Variants in SKAP1 observed in about 807,000 individuals in gnomAD.
The protein encoded by SKAP1 is src kinase-associated phosphoprotein 1.
SKAP1 carries 44 observed loss-of-function variants against 58.5 expected under a neutral mutation model. The observed-to-expected ratio is 0.75, with a 90% CI of 0.59 to 0.97. The LOEUF (loss-of-function observed/expected upper bound fraction) is 0.97. Ranked by LOEUF, SKAP1 falls within the 50% of genes least tolerant of loss-of-function variation. SKAP1 has a pLI of 0.00. For missense variants in SKAP1, 390 were observed against 435.2 expected (o/e 0.90, Z 0.92); for synonymous variants, 127 against 149.7 (o/e 0.85, Z 1.11).
intron 4 of SKAP1, among the ~76,000 whole-genome samples, chr17:48,260,034 A>C (rs1462554588): frequency 6.6e-6 from 1 of 152,172 alleles, no homozygotes; most frequent in African/African-American, 2.4e-5. Flanking sequence ...GAGCTAATAA[A>C]TTATTTGTCT....
chr17:48,306,939 AG>A (rs1300175185), intron 4 of SKAP1, among the ~76,000 whole-genome samples: 2 of 152,222 alleles, frequency 1.3e-5, no homozygotes, highest in Non-Finnish European at 2.9e-5. Context: ...TAGATCTGAT[AG>A]GGATTTTGCA....
At chr17:48,363,584 C>G (rs187970968) in intron 3 of SKAP1, among the ~76,000 whole-genome samples, 3 of 152,278 alleles carry the variant, frequency 2.0e-5, no homozygotes, top group Admixed American at 1.3e-4. Context: ...ACAGTCCACT[C>G]AGAAGGAGGA....
intron 1 of SKAP1, among the ~76,000 whole-genome samples, chr17:48,398,186 G>C (rs2067445843): frequency 6.6e-6 from 1 of 152,176 alleles, no homozygotes; most frequent in East Asian, 1.9e-4. Flanking sequence ...AGCTTCATCT[G>C]TATTTACAGC....
intron 4 of SKAP1, among the ~76,000 whole-genome samples, chr17:48,218,061 G>A (rs2064961708): frequency 1.3e-5 from 2 of 152,212 alleles, no homozygotes; most frequent in Admixed American, 1.3e-4. Context: ...TTGTGTTAAT[G>A]TGCCAGCTTG....
intron 2 of SKAP1, among the ~76,000 whole-genome samples, chr17:48,384,936 A>T (rs773165707): frequency 5.3e-5 from 8 of 152,214 alleles, no homozygotes; most frequent in Non-Finnish European, 1.0e-4. Context: ...CCTAAGGAGA[A>T]CGTGGTGAGG....
At chr17:48,165,463 T>C (rs949074832) in intron 10 of SKAP1, among the ~76,000 whole-genome samples, 2 of 151,310 alleles carry the variant, frequency 1.3e-5, no homozygotes, top group African/African-American at 4.9e-5. Flanking sequence ...TGTAATGGCA[T>C]GATCTCGGCT....
intron 4 of SKAP1, among the ~76,000 whole-genome samples, chr17:48,335,598 TA>T (rs761483927): frequency 2.0e-5 from 3 of 152,090 alleles, no homozygotes; most frequent in Non-Finnish European, 4.4e-5. Flanking sequence ...GCTACAATAA[TA>T]AGTTGTAAAA....
intron 4 of SKAP1, among the ~76,000 whole-genome samples, chr17:48,208,212 T>C (rs1351879137): frequency 2.0e-5 from 3 of 152,294 alleles, no homozygotes; most frequent in South Asian, 2.1e-4. Flanking sequence ...TGAAGATATA[T>C]GGGCGTTAGA....
chr17:48,347,451 A>G (rs1194557410), intron 3 of SKAP1, among the ~76,000 whole-genome samples: 1 of 152,228 alleles, frequency 6.6e-6, no homozygotes, highest in Non-Finnish European at 1.5e-5. Flanking sequence ...TGATAAAAAG[A>G]GAATGGCTGT....
intron 4 of SKAP1, chr17:48,193,780 A>G (rs1411026006): frequency 1.0e-6 from 1 of 962,268 alleles, no homozygotes; most frequent in African/African-American, 1.8e-5. Context: ...ACCTACTGGT[A>G]AACGAACAGA....
intron 6 of SKAP1, among the ~76,000 whole-genome samples, chr17:48,187,272 T>A (rs1193018049): frequency 6.6e-6 from 1 of 152,076 alleles, no homozygotes; most frequent in Non-Finnish European, 1.5e-5. Context: ...TAAGAAACTA[T>A]CTCTGGCCCG....
intron 4 of SKAP1, among the ~76,000 whole-genome samples, chr17:48,195,263 C>A (rs930783833): frequency 1.3e-5 from 2 of 152,140 alleles, no homozygotes; most frequent in Admixed American, 1.3e-4. Flanking sequence ...AGGAACCAGT[C>A]AATAAATGAT....
At chr17:48,172,379 TC>T (rs1357691048) in intron 9 of SKAP1, among the ~76,000 whole-genome samples, 2 of 152,174 alleles carry the variant, frequency 1.3e-5, no homozygotes, top group African/African-American at 2.4e-5. Context: ...AGTTTCTTAC[TC>T]CCATTAACCG....
At chr17:48,259,365 T>C (rs2065461718) in intron 4 of SKAP1, among the ~76,000 whole-genome samples, 1 of 152,116 alleles carries the variant, frequency 6.6e-6, no homozygotes, top group South Asian at 2.1e-4. Flanking sequence ...TAAAGAGCCA[T>C]TTATGCATAC....
At chr17:48,270,641 C>T (rs2143979847) in intron 4 of SKAP1, among the ~76,000 whole-genome samples, 1 of 152,036 alleles carries the variant, frequency 6.6e-6, no homozygotes, top group Non-Finnish European at 1.5e-5. Context: ...GCGCCTGGCC[C>T]TATTTTTTAT....
chr17:48,405,518 T>G (rs1361380717), intron 1 of SKAP1, among the ~76,000 whole-genome samples: 1 of 150,472 alleles, frequency 6.6e-6, no homozygotes, highest in Non-Finnish European at 1.5e-5. Flanking sequence ...TTTTTTTTTT[T>G]TGAGACAGAG....
intron 4 of SKAP1, among the ~76,000 whole-genome samples, chr17:48,271,661 C>G (rs2065635186): frequency 6.6e-6 from 1 of 152,040 alleles, no homozygotes; most frequent in Admixed American, 6.6e-5. Context: ...TGCACCTGGA[C>G]TATTCTTGTT....
intron 1 of SKAP1, among the ~76,000 whole-genome samples, chr17:48,405,450 T>TTTCTTTTCTTTC: frequency 1.1e-5 from 1 of 94,054 alleles, no homozygotes; most frequent in Non-Finnish European, 2.2e-5. Context: ...TCTTTCTTTC[T>TTTCTTTTCTTTC]TTTCTTTCTT....
intron 4 of SKAP1, among the ~76,000 whole-genome samples, chr17:48,299,530 T>C (rs1456910309): frequency 6.6e-6 from 1 of 152,152 alleles, no homozygotes; most frequent in African/African-American, 2.4e-5. Context: ...TATTTCAAGG[T>C]TCTTTGAAAG....
Sources: gnomAD v4.1 joint callset for allele counts (sites outside exome capture counted in the v4.1 genomes callset) on GRCh38, gnomAD v4.1.1 for gene constraint, MANE v1.5 for transcripts, NCBI Gene and HGNC (gene_info 2026-07-23, HGNC 2026-07-21) for gene names.